The following UBE3B variants were observed in gnomAD, a reference collection of about 807,000 sequenced individuals.
UBE3B encodes the protein ubiquitin protein ligase E3B.
A neutral mutation model predicts 132.3 loss-of-function variants in UBE3B; 80 were observed. That is an observed-to-expected ratio of 0.60 (90% CI 0.50 to 0.73). UBE3B has a LOEUF of 0.73. Ranked by LOEUF, UBE3B falls within the 30% of genes least tolerant of loss-of-function variation. The pLI is 0.00. For synonymous variants in UBE3B, 487 were observed against 520.4 expected, an observed-to-expected ratio of 0.94 and a Z score of 0.87; for missense variants, 1,196 against 1,362.5, an observed-to-expected ratio of 0.88 and a Z score of 1.92.
chr12:109,529,146 G>A (rs1453247196), intron 24 of UBE3B, among the ~76,000 whole-genome samples: 1 of 152,234 alleles, frequency 6.6e-6, no homozygotes, highest in Non-Finnish European at 1.5e-5. Context: ...GGGTGACGGA[G>A]TGAGACTCTG....
Position 109,501,448 on chromosome 12 carries a change from G to T in UBE3B, c.1196G>T (p.Cys399Phe). The T allele has an allele frequency of 1.2e-6, 2 of 1,614,138 alleles. No homozygotes were observed. Among genetic ancestry groups the T allele is most frequent in the Non-Finnish European group, 1.7e-6 (2 of 1,180,008 alleles). Residue 399 changes from cysteine to phenylalanine, a missense_variant, in exon 13 of 28, where the codon TGT (cysteine) becomes TTT (phenylalanine). Transcript: ENST00000342494. Reference sequence around the variant, plus strand: ...GTGCCTCTGATCCGGATCTTCTTCTGTGACATCCTGAGCAAGAAGCTACTG... The same window carrying T: ...GTGCCTCTGATCCGGATCTTCTTCTTTGACATCCTGAGCAAGAAGCTACTG... ...WGVPLIRIFF[C>F]DILSKKLLES...
intron 21 of UBE3B, among the ~76,000 whole-genome samples, chr12:109,523,147 C>T (rs1021628935): frequency 6.6e-6 from 1 of 152,184 alleles, no homozygotes; most frequent in Admixed American, 6.5e-5. Context: ...CCTTACGGTC[C>T]TCTGACAGGT....
chr12:109,530,515 C>T, intron 25 of UBE3B, 32 bp from the exon 26 acceptor site: 1 of 1,601,740 alleles, frequency 6.2e-7, no homozygotes, highest in Non-Finnish European at 8.6e-7. Context: ...CACGCTAGCA[C>T]ATTGCTGAGC....
rs758248355 is a variant in UBE3B, at chr12:109,503,150, G to A, written c.1410G>A (p.Ser470=). The A allele has an allele frequency of 9.1e-5, 147 of 1,614,164 alleles. No homozygotes were observed. The highest frequency in any genetic ancestry group is 8.5e-4 in the Admixed American group (51 of 60,006). The change falls in exon 14 of 28, where the codon TCG becomes TCA. Residue 470 remains serine (S), a synonymous_variant. Coordinates refer to ENST00000342494, the MANE Select transcript of UBE3B (RefSeq NM_130466.4). The part of the protein sequence containing the change: ...VCNICVLYQT[S]LTTLTQIRLQ... ...ACATCTGTGTCCTCTACCAGACCTC[G>A]CTGACAACTCTCACACAGATTCGGC...
intron 11 of UBE3B, among the ~76,000 whole-genome samples, 157 bp from the exon 12 acceptor site, chr12:109,499,476 C>T (rs1237253564): frequency 6.6e-6 from 1 of 152,212 alleles, no homozygotes; most frequent in African/African-American, 2.4e-5. Context: ...CTTACCTTTG[C>T]ACCACACAGC....
At chr12:109,531,877 C>G (rs1238223495) in intron 26 of UBE3B, among the ~76,000 whole-genome samples, 1 of 152,160 alleles carries the variant, frequency 6.6e-6, no homozygotes, top group East Asian at 1.9e-4. Flanking sequence ...CAGGTGCTGC[C>G]CCACAAAACA....
At chr12:109,514,777 A>G (rs1378781042) in intron 18 of UBE3B, among the ~76,000 whole-genome samples, 1 of 151,906 alleles carries the variant, frequency 6.6e-6, no homozygotes, top group Non-Finnish European at 1.5e-5. Flanking sequence ...TCTCTTCTGC[A>G]TGGCCCTGGA....
rs200429727 is a variant in UBE3B at position 109,488,594 on chromosome 12, G to C, written c.470G>C (p.Arg157Pro). The change falls in exon 7 of 28, where the codon CGA becomes CCA. Residue 157 changes from arginine to proline, a missense_variant. Physicochemically the swap from Arg to Pro is moderately radical, Grantham distance 103 (BLOSUM62 -2). Coordinates refer to ENST00000342494, the MANE Select transcript of UBE3B (RefSeq NM_130466.4). Reference sequence around the variant, plus strand: ...CAGCCTGAAATCCTGCAGGACTCCCGACTCATCACCCTGTACCTCACGATG... The same window carrying C: ...CAGCCTGAAATCCTGCAGGACTCCCCACTCATCACCCTGTACCTCACGATG... The part of the protein sequence containing the change: ...QLKPEILQDS[R>P]LITLYLTMLV... The C allele has an allele frequency of 3.1e-6, 5 of 1,614,064 alleles. No homozygotes were observed. Among genetic ancestry groups the C allele is most frequent in the Non-Finnish European group, 4.2e-6 (5 of 1,179,982 alleles).
At chr12:109,531,593 G>A (rs1882944666) in intron 26 of UBE3B, among the ~76,000 whole-genome samples, 1 of 152,130 alleles carries the variant, frequency 6.6e-6, no homozygotes, top group Non-Finnish European at 1.5e-5. Context: ...TAAAATGACA[G>A]CTGGTTTCCT....
At position 109,511,218 on chromosome 12, in the gene UBE3B, G is replaced by A. The variant is rs139428647; in HGVS notation, c.1871G>A (p.Ser624Asn). Residue 624 changes from serine (S) to asparagine (N), a missense_variant, in exon 18 of 28, where the codon AGC (serine) becomes AAC (asparagine). Transcript: ENST00000342494. Reference sequence around the variant, plus strand: ...TTCTTCTCAAGGGATCTCAAACCTAGCGTGCTCTTCCAAGAACTCGACAGG... The same window carrying A: ...TTCTTCTCAAGGGATCTCAAACCTAACGTGCTCTTCCAAGAACTCGACAGG... ...DHWLRKDLKP[S>N]VLFQELDRDR... 67 of 1,613,928 alleles carry A rather than the reference G, an allele frequency of 4.2e-5. No homozygotes were observed. In the African/African-American group the frequency reaches 7.5e-4, roughly 18 times the overall value.
In UBE3B at chr12:109,477,854, T is replaced by G. The variant is rs1405494557; in HGVS notation, c.-383T>G. 2 of 157,080 alleles carry G rather than the reference T, an allele frequency of 1.3e-5. No individual in the cohort carries two copies. Among genetic ancestry groups the G allele is most frequent in the African/African-American group, 2.4e-5 (1 of 41,506 alleles). 9.7% of individuals were successfully genotyped at this position (157,080 alleles called of 1,614,324 possible). ...CTCCGAGTGGTGGGGCTGGGGACTT[T>G]GAGGGAGTTGGCTCTAGGGCACAGT... is the stretch of plus-strand genomic sequence containing the variant. On this transcript the variant is annotated 5_prime_UTR_variant, in exon 1 of 28. Coordinates refer to ENST00000342494, the MANE Select transcript of UBE3B (RefSeq NM_130466.4).
intron 12 of UBE3B, among the ~76,000 whole-genome samples, chr12:109,500,080 G>A (rs1398710659): frequency 1.3e-5 from 2 of 151,982 alleles, no homozygotes; most frequent in Admixed American, 6.6e-5. Context: ...CTATTATTTT[G>A]TATTTTGTTC....
intron 14 of UBE3B, among the ~76,000 whole-genome samples, chr12:109,504,476 G>A (rs1030455608): frequency 3.3e-5 from 5 of 152,218 alleles, no homozygotes; most frequent in South Asian, 4.1e-4. Flanking sequence ...TTTTAAAGAA[G>A]ATACCAGGTT....
chr12:109,510,096 T>G (rs886130185), intron 16 of UBE3B, among the ~76,000 whole-genome samples: 3 of 152,214 alleles, frequency 2.0e-5, no homozygotes, highest in South Asian at 2.1e-4. Flanking sequence ...CAAAGCTCCT[T>G]AGACTTAAAA....
At chr12:109,482,702 C>G (rs912430766) in intron 2 of UBE3B, among the ~76,000 whole-genome samples, 1 of 152,082 alleles carries the variant, frequency 6.6e-6, no homozygotes, top group Non-Finnish European at 1.5e-5. Flanking sequence ...GTGCTGTGTG[C>G]TTTAGGCTGC....
At chr12:109,488,885 A>G (rs1250392955) in intron 7 of UBE3B, among the ~76,000 whole-genome samples, 1 of 152,190 alleles carries the variant, frequency 6.6e-6, no homozygotes, top group East Asian at 1.9e-4. Flanking sequence ...CTTTGAATTT[A>G]CATTTAAAGT....
chr12:109,512,576 T>C (rs1455754484), intron 18 of UBE3B, among the ~76,000 whole-genome samples: 2 of 152,188 alleles, frequency 1.3e-5, no homozygotes, highest in Admixed American at 1.3e-4. Flanking sequence ...CCTGTTCTAT[T>C]TTCTTTTTCT....
intron 6 of UBE3B, among the ~76,000 whole-genome samples, chr12:109,487,980 GA>G (rs930788381): frequency 6.6e-5 from 10 of 151,652 alleles, no homozygotes; most frequent in Non-Finnish European, 4.4e-5. Flanking sequence ...GTGAAACAAT[GA>G]ACTGTCATCA....
intron 24 of UBE3B, among the ~76,000 whole-genome samples, chr12:109,529,636 G>A (rs1004251367): frequency 1.3e-5 from 2 of 152,200 alleles, no homozygotes; most frequent in African/African-American, 4.8e-5. Flanking sequence ...CCCGAGGTGT[G>A]ACCTATGGGT....
Sources: gnomAD v4.1 joint callset for allele counts (sites outside exome capture counted in the v4.1 genomes callset) on GRCh38, gnomAD v4.1.1 for gene constraint, MANE v1.5 for transcripts, NCBI Gene and HGNC (gene_info 2026-07-23, HGNC 2026-07-21) for gene names.